SGPP1: variants seen among roughly 807,000 people sequenced by gnomAD.
The protein encoded by SGPP1 is sphingosine-1-phosphate phosphatase 1.
SGPP1 carries 21 observed loss-of-function variants against 33.0 expected under a neutral mutation model. That is an observed-to-expected ratio of 0.64 (90% CI 0.45 to 0.92). The LOEUF is 0.92. SGPP1 is among the 40% of genes least tolerant of loss of function. The pLI is 0.00. For missense variants in SGPP1, 543 were observed against 589.4 expected (o/e 0.92, Z 0.81); for synonymous variants, 239 against 241.2 (o/e 0.99, Z 0.08).
intron 1 of SGPP1, among the ~76,000 whole-genome samples, chr14:63,713,099 G>A (rs1343784068): frequency 6.6e-6 from 1 of 151,956 alleles, no homozygotes; most frequent in African/African-American, 2.4e-5. Flanking sequence ...ATATGCTGAT[G>A]ACAAGAAACT....
At chr14:63,721,269 G>A (rs1238720177) in intron 1 of SGPP1, among the ~76,000 whole-genome samples, 2 of 152,140 alleles carry the variant, frequency 1.3e-5, no homozygotes, top group African/African-American at 4.8e-5. Flanking sequence ...AACAGAGCAA[G>A]ACGCCATCTC....
chr14:63,700,088 G>C (rs776423034), intron 1 of SGPP1, among the ~76,000 whole-genome samples: 12 of 151,856 alleles, frequency 7.9e-5, no homozygotes, highest in Non-Finnish European at 1.8e-4. Flanking sequence ...TCAGCCTCCC[G>C]AGCAGCTAGG....
intron 1 of SGPP1, among the ~76,000 whole-genome samples, chr14:63,700,578 TTAAACAG>T (rs1885276297): frequency 6.6e-6 from 1 of 152,148 alleles, no homozygotes; most frequent in African/African-American, 2.4e-5. Flanking sequence ...GGAGGAGGCA[TTAAACAG>T]TAAACACAAA....
At chr14:63,695,927 C>T (rs1290906724) in intron 2 of SGPP1, among the ~76,000 whole-genome samples, 1 of 148,966 alleles carries the variant, frequency 6.7e-6, no homozygotes. Context: ...GGCAAACAAA[C>T]AAAAAAGAAC....
intron 1 of SGPP1, among the ~76,000 whole-genome samples, chr14:63,708,421 A>AT (rs1259120518): frequency 0.023 from 3,118 of 135,064 alleles, 77 homozygotes; most frequent in African/African-American, 0.07. Context: ...ATGCCCAGCT[A>AT]TTTTTTTTTT....
At chr14:63,723,522 CA>C (rs1449915913) in intron 1 of SGPP1, among the ~76,000 whole-genome samples, 3 of 151,950 alleles carry the variant, frequency 2.0e-5, no homozygotes, top group African/African-American at 7.3e-5. Flanking sequence ...AGATCGAGAC[CA>C]TCCTGGCCAA....
rs114683832 is a variant in SGPP1 at position 63,694,735 on chromosome 14, C to T, written c.774+3834G>A. 1.2e-3 allele frequency among the ~76,000 whole-genome samples: 184 copies of T among 152,150 alleles called. 1 individual carries two copies. Among genetic ancestry groups the T allele is most frequent in the African/African-American group, 4.2e-3 (176 of 41,514 alleles). On this transcript the variant is annotated intron_variant, in intron 2 of 2. Transcript: ENST00000247225. ...AGAGCACAAAGTATGCAATAAAGAA[C>T]ATTAATGTTAAAGGTAACAAAGAGC...
chr14:63,717,524 A>G (rs555699731), intron 1 of SGPP1, among the ~76,000 whole-genome samples: 1 of 152,152 alleles, frequency 6.6e-6, no homozygotes, highest in Non-Finnish European at 1.5e-5. Context: ...GGGTTTCACC[A>G]TGTTAGCCAG....
At chr14:63,700,677 T>A (rs1381820052) in intron 1 of SGPP1, among the ~76,000 whole-genome samples, 1 of 152,086 alleles carries the variant, frequency 6.6e-6, no homozygotes, top group Non-Finnish European at 1.5e-5. Context: ...ATAGGTAACA[T>A]GGAGAAAATA....
chr14:63,716,340 A>G (rs997727862), intron 1 of SGPP1, among the ~76,000 whole-genome samples: 3 of 151,960 alleles, frequency 2.0e-5, no homozygotes, highest in Non-Finnish European at 4.4e-5. Flanking sequence ...CTAAAAATAC[A>G]AAAATTACCT....
rs141989701 is a variant in SGPP1 at position 63,706,776 on chromosome 14, T to C, written c.685-8118A>G. On this transcript the variant is annotated intron_variant, in intron 1 of 2. Coordinates refer to ENST00000247225, the MANE Select transcript of SGPP1 (RefSeq NM_030791.4). The stretch of plus-strand genomic sequence containing the variant: ...AATCTGAAAATCCTTTTCAGTAAAC[T>C]TAAGAAACAGAATCCCAGCACTTTG... Among the ~76,000 whole-genome samples, 466 of 152,156 alleles carry C rather than the reference T, an allele frequency of 3.1e-3. 4 individuals are homozygous for C. The highest frequency in any genetic ancestry group is 0.01 in the African/African-American group (423 of 41,518).
At chr14:63,711,398 C>A (rs1396521811) in intron 1 of SGPP1, among the ~76,000 whole-genome samples, 1 of 152,034 alleles carries the variant, frequency 6.6e-6, no homozygotes, top group African/African-American at 2.4e-5. Flanking sequence ...AGAAACAGAA[C>A]CAATAGGATA....
rs552779934 is a variant in SGPP1 at position 63,688,595 on chromosome 14, T to G, written c.775-1939A>C. On this transcript the variant is annotated intron_variant, in intron 2 of 2. Coordinates refer to ENST00000247225, the MANE Select transcript of SGPP1 (RefSeq NM_030791.4). ...TATGATCTACTATTACTGAAAAACT[T>G]ATCAATGTTTATATTCACTGTCTCC... Among the ~76,000 whole-genome samples the G allele has an allele frequency of 8.5e-5, 13 of 152,220 alleles. No homozygotes were observed. In the East Asian group the frequency reaches 1.9e-3, roughly 23 times the overall value.
intron 1 of SGPP1, among the ~76,000 whole-genome samples, chr14:63,706,642 T>C (rs936469911): frequency 7.2e-5 from 11 of 152,204 alleles, no homozygotes; most frequent in Admixed American, 7.2e-4. Flanking sequence ...ATTATATTCA[T>C]GAAAACATGT....
intron 2 of SGPP1, among the ~76,000 whole-genome samples, chr14:63,697,962 T>C (rs1885220207): frequency 1.3e-5 from 2 of 152,162 alleles, no homozygotes; most frequent in South Asian, 2.1e-4. Context: ...GGTCAAGATA[T>C]GTTGCAGGCC....
chr14:63,717,739 C>T (rs1885665801), intron 1 of SGPP1, among the ~76,000 whole-genome samples: 2 of 152,058 alleles, frequency 1.3e-5, no homozygotes, highest in Admixed American at 1.3e-4. Flanking sequence ...TGGATTCAAG[C>T]TCAATGACCT....
At chr14:63,696,857 A>G (rs1885197158) in intron 2 of SGPP1, among the ~76,000 whole-genome samples, 1 of 151,996 alleles carries the variant, frequency 6.6e-6, no homozygotes, top group Non-Finnish European at 1.5e-5. Flanking sequence ...GTGATGGTAC[A>G]TGTCTGTAAT....
intron 1 of SGPP1, among the ~76,000 whole-genome samples, chr14:63,722,802 TAACAAACA>T (rs925681233): frequency 2.0e-5 from 3 of 150,956 alleles, no homozygotes; most frequent in Non-Finnish European, 4.4e-5. Flanking sequence ...CCCGTCTCTA[TAACAAACA>T]AACAAACAAA....
chr14:63,722,800 T>C (rs1885800424), intron 1 of SGPP1, among the ~76,000 whole-genome samples: 1 of 151,272 alleles, frequency 6.6e-6, no homozygotes, highest in Non-Finnish European at 1.5e-5. Flanking sequence ...ACCCCGTCTC[T>C]ATAACAAACA....
Sources: allele counts gnomAD v4.1 joint callset (sites outside exome capture counted in the v4.1 genomes callset), GRCh38; gene constraint gnomAD v4.1.1; transcripts MANE v1.5; gene names NCBI Gene and HGNC (gene_info 2026-07-23, HGNC 2026-07-21).